The following GLRA3 variants were observed in gnomAD, a reference collection of about 807,000 sequenced individuals.
The protein encoded by GLRA3 is glycine receptor subunit alpha-3.
A neutral mutation model predicts 60.4 loss-of-function variants in GLRA3; 44 were observed. The observed-to-expected ratio is 0.73, with a 90% CI of 0.57 to 0.94. The LOEUF (loss-of-function observed/expected upper bound fraction) is 0.94, where lower values mean the gene tolerates loss of function less well. Among genes scored for constraint, GLRA3 ranks in the 40% least tolerant of loss-of-function variants. The probability of loss-of-function intolerance (pLI) is 0.00; values close to 1 mark genes in which losing one functional copy is unlikely to be tolerated. For synonymous variants in GLRA3, 223 were observed against 192.9 expected, an observed-to-expected ratio of 1.16 and a Z score of -1.29; for missense variants, 508 against 564.6, an observed-to-expected ratio of 0.90 and a Z score of 1.02.
At chr4:174,671,320 T>C (rs1256513861) in intron 7 of GLRA3, among the ~76,000 whole-genome samples, 1 of 152,198 alleles carries the variant, frequency 6.6e-6, no homozygotes, top group Non-Finnish European at 1.5e-5. Context: ...ACCTGATTAC[T>C]ATGTAGCTCT....
intron 1 of GLRA3, among the ~76,000 whole-genome samples, chr4:174,799,176 A>C (rs565148686): frequency 3.0e-4 from 46 of 152,346 alleles, no homozygotes; most frequent in Admixed American, 2.8e-3. Context: ...TTTAATTACC[A>C]TAATAATGTT....
intron 3 of GLRA3, among the ~76,000 whole-genome samples, chr4:174,740,048 C>T (rs1054672146): frequency 2.0e-5 from 3 of 152,162 alleles, no homozygotes; most frequent in Admixed American, 2.0e-4. Context: ...CTTAAATTCA[C>T]AGGTCTTTTG....
intron 4 of GLRA3, among the ~76,000 whole-genome samples, chr4:174,716,736 A>G (rs1735931944): frequency 6.6e-6 from 1 of 152,188 alleles, no homozygotes; most frequent in Non-Finnish European, 1.5e-5. Context: ...TGAGCAGTAC[A>G]TGCGTTAACA....
At position 174,788,873 on chromosome 4, in the gene GLRA3, C is replaced by A. The variant is rs1406504007; in HGVS notation, c.142G>T (p.Asp48Tyr). ...CCTGATGTCCTGCCCATTAATTTAT[C>A]CAGAAAATCAGAAGGTGACATTGGA... Reference protein sequence around the residue: ...SAPMSPSDFLDKLMGRTSGYD... With the variant: ...SAPMSPSDFLYKLMGRTSGYD... The change falls in exon 2 of 10, where the codon GAT (aspartate) becomes TAT (tyrosine). Residue 48 changes from aspartate (D) to tyrosine (Y), a missense_variant. Coordinates refer to ENST00000274093, the MANE Select transcript of GLRA3 (RefSeq NM_006529.4). 1 of 1,608,986 alleles carries A rather than the reference C, an allele frequency of 6.2e-7. No individual in the cohort carries two copies. The highest frequency in any genetic ancestry group is 8.5e-7 in the Non-Finnish European group (1 of 1,176,316).
Position 174,643,623 on chromosome 4 carries a change from C to T in GLRA3, c.*163G>A. On this transcript the variant is annotated 3_prime_UTR_variant, in exon 10 of 10. Coordinates refer to ENST00000274093, the MANE Select transcript of GLRA3 (RefSeq NM_006529.4). ...TATTCATTAAAAGAATCTCATCTTT[C>T]TCATGACTTTGCATAGCTAACCAAA... The T allele has an allele frequency of 1.5e-6, 2 of 1,374,532 alleles. No homozygotes were observed. Among genetic ancestry groups the T allele is most frequent in the Non-Finnish European group, 1.9e-6 (2 of 1,061,532 alleles). 85.1% of individuals were successfully genotyped at this position (1,374,532 alleles called of 1,614,324 possible). A position where few individuals can be genotyped will look rare whatever the true frequency, so the allele number is the denominator to read the frequency against.
intron 9 of GLRA3, among the ~76,000 whole-genome samples, chr4:174,655,701 T>A (rs1031673224): frequency 6.6e-6 from 1 of 152,040 alleles, no homozygotes; most frequent in African/African-American, 2.4e-5. Flanking sequence ...GTTAAGATAA[T>A]CAAATAAAAG....
chr4:174,650,550 A>G (rs1732988899), intron 9 of GLRA3, among the ~76,000 whole-genome samples: 1 of 152,172 alleles, frequency 6.6e-6, no homozygotes, highest in South Asian at 2.1e-4. Flanking sequence ...TTGAGTTCTG[A>G]TTAGAAACAG....
intron 7 of GLRA3, among the ~76,000 whole-genome samples, chr4:174,668,079 A>G (rs891060172): frequency 6.6e-6 from 1 of 151,952 alleles, no homozygotes; most frequent in Non-Finnish European, 1.5e-5. Flanking sequence ...CTTCCCTTTC[A>G]ATCTTCTTCC....
chr4:174,667,548 C>T (rs1733727395), intron 7 of GLRA3, among the ~76,000 whole-genome samples: 1 of 152,026 alleles, frequency 6.6e-6, no homozygotes, highest in African/African-American at 2.4e-5. Context: ...GTGTCAGGTC[C>T]AAATTCAGTA....
chr4:174,779,082 T>C (rs1432278434), intron 2 of GLRA3, among the ~76,000 whole-genome samples: 1 of 152,166 alleles, frequency 6.6e-6, no homozygotes, highest in Non-Finnish European at 1.5e-5. Flanking sequence ...TCTGACAGCT[T>C]TGAAGAGAGC....
At chr4:174,778,940 C>A (rs932707342) in intron 2 of GLRA3, among the ~76,000 whole-genome samples, 1 of 152,026 alleles carries the variant, frequency 6.6e-6, no homozygotes, top group African/African-American at 2.4e-5. Context: ...ACAAAGCAGC[C>A]GGGAAGCTCC....
At chr4:174,745,008 TG>T (rs1737185433) in intron 3 of GLRA3, among the ~76,000 whole-genome samples, 1 of 151,940 alleles carries the variant, frequency 6.6e-6, no homozygotes. Flanking sequence ...CCGAATAAAA[TG>T]CAAAATACAC....
chr4:174,643,161 T>C lies in GLRA3; in HGVS notation c.*625A>G. 1 of 873,950 alleles carries C rather than the reference T, an allele frequency of 1.1e-6. No homozygotes were observed. The highest frequency in any genetic ancestry group is 1.8e-5 in the African/African-American group (1 of 54,586). The allele number at this position is 873,950 out of a possible 1,614,324, so 54.1% of individuals were successfully genotyped here. A position where few individuals can be genotyped will look rare whatever the true frequency, so the allele number is the denominator to read the frequency against. ...TAACACGATCTCTTGTTATTTGTTT[T>C]AAATTTGCACAGAGGAAAACTTAAT... is the stretch of plus-strand genomic sequence containing the variant. On this transcript the variant is annotated 3_prime_UTR_variant, in exon 10 of 10. Coordinates refer to ENST00000274093, the MANE Select transcript of GLRA3 (RefSeq NM_006529.4).
intron 9 of GLRA3, among the ~76,000 whole-genome samples, chr4:174,654,541 G>A (rs903319281): frequency 7.2e-5 from 11 of 152,094 alleles, no homozygotes; most frequent in African/African-American, 2.7e-4. Context: ...ATAATCATCA[G>A]TAGGGAAACA....
chr4:174,696,122 A>G (rs538046593), intron 5 of GLRA3, among the ~76,000 whole-genome samples: 101 of 152,232 alleles, frequency 6.6e-4, no homozygotes, highest in Middle Eastern at 6.9e-3. Context: ...AAAATATCCC[A>G]TGCTAATGGA....
At chr4:174,721,065 G>A (rs900009606) in intron 4 of GLRA3, among the ~76,000 whole-genome samples, 2 of 150,998 alleles carry the variant, frequency 1.3e-5, no homozygotes, top group African/African-American at 4.9e-5. Flanking sequence ...GTCTTGCTCT[G>A]TCATCAGGGC....
chr4:174,729,994 T>A (rs1343982378), intron 3 of GLRA3, among the ~76,000 whole-genome samples: 1 of 152,198 alleles, frequency 6.6e-6, no homozygotes, highest in Admixed American at 6.5e-5. Flanking sequence ...ATCCTCTTGA[T>A]CAATATTTGT....
intron 7 of GLRA3, among the ~76,000 whole-genome samples, chr4:174,673,798 C>G (rs1454699286): frequency 6.6e-6 from 1 of 152,068 alleles, no homozygotes; most frequent in African/African-American, 2.4e-5. Context: ...TTGTAAATGT[C>G]TCCAAGTTAA....
chr4:174,664,144 G>A (rs1034567915), intron 7 of GLRA3, among the ~76,000 whole-genome samples: 10 of 152,134 alleles, frequency 6.6e-5, no homozygotes, highest in Non-Finnish European at 1.5e-4. Flanking sequence ...CATCGGCTTT[G>A]TGGATTCTCT....
Sources: allele counts gnomAD v4.1 joint callset (sites outside exome capture counted in the v4.1 genomes callset), GRCh38; gene constraint gnomAD v4.1.1; transcripts MANE v1.5; gene names NCBI Gene and HGNC (gene_info 2026-07-23, HGNC 2026-07-21).